The following UBE3B variants were observed in gnomAD, a reference collection of about 807,000 sequenced individuals.
UBE3B encodes ubiquitin-protein ligase E3B.
A neutral mutation model predicts 132.3 loss-of-function variants in UBE3B; 80 were observed. The observed-to-expected ratio is 0.60, with a 90% CI of 0.50 to 0.73. The LOEUF is 0.73. Ranked by LOEUF, UBE3B falls within the 30% of genes least tolerant of loss-of-function variation. The probability of loss-of-function intolerance (pLI) is 0.00; values close to 1 mark genes in which losing one functional copy is unlikely to be tolerated. For synonymous variants in UBE3B, 487 were observed against 520.4 expected, an observed-to-expected ratio of 0.94 and a Z score of 0.87; for missense variants, 1,196 against 1,362.5, an observed-to-expected ratio of 0.88 and a Z score of 1.92.
intron 11 of UBE3B, among the ~76,000 whole-genome samples, chr12:109,499,368 A>G (rs551361863): frequency 3.3e-5 from 5 of 152,300 alleles, no homozygotes; most frequent in Non-Finnish European, 5.9e-5. Flanking sequence ...CATCATTCCA[A>G]TCTTACAAAT....
intron 8 of UBE3B, chr12:109,490,477 T>A: frequency 6.5e-7 from 1 of 1,535,696 alleles, no homozygotes; most frequent in Non-Finnish European, 8.7e-7. Flanking sequence ...ACTTTGCCCT[T>A]CCTTCTCCCT....
chr12:109,532,767 C>G (rs980328265), intron 26 of UBE3B, among the ~76,000 whole-genome samples: 8 of 152,198 alleles, frequency 5.3e-5, no homozygotes. Context: ...CCCACTTGGG[C>G]TGCCGGCACC....
chr12:109,507,735 C>T lies in UBE3B; in HGVS notation c.1622C>T (p.Thr541Ile), dbSNP rs774203713. The part of the protein sequence containing the change: ...LFCDCSRHLI[T>I]ILDDIEVYEE... ...TGTGACTGTTCGCGGCACCTCATCACGTAGGTTGACTGCTGTGGGACTGAA... is the reference window on the plus strand; with the variant it reads ...TGTGACTGTTCGCGGCACCTCATCATGTAGGTTGACTGCTGTGGGACTGAA... Residue 541 changes from threonine to isoleucine, a missense_variant and splice_region_variant, in exon 15 of 28, where the codon ACA (threonine) becomes ATA (isoleucine). Thr to Ile is a moderately conservative substitution (Grantham distance 89, BLOSUM62 -1). Transcript: ENST00000342494. 13 of 1,610,704 alleles carry T rather than the reference C, an allele frequency of 8.1e-6. No individual in the cohort carries two copies. The highest frequency in any genetic ancestry group is 3.4e-5 in the Admixed American group (2 of 59,644).
chr12:109,508,679 G>A (rs191147864), intron 15 of UBE3B: 1 of 985,506 alleles, frequency 1.0e-6, no homozygotes, highest in Non-Finnish European at 1.2e-6. Flanking sequence ...AAGAGCAGGG[G>A]TCTAGCTGCT....
At chr12:109,546,257 T>C in the UBE3B span, among the ~76,000 whole-genome samples, 1 of 152,246 alleles carries the variant, frequency 6.6e-6, no homozygotes, top group East Asian at 1.9e-4. Flanking sequence ...CCCTGGTGAA[T>C]AGGCTGGGTG....
intron 18 of UBE3B, among the ~76,000 whole-genome samples, chr12:109,514,776 C>G (rs927595870): frequency 1.3e-5 from 2 of 152,034 alleles, no homozygotes; most frequent in African/African-American, 4.8e-5. Context: ...CTCTCTTCTG[C>G]ATGGCCCTGG....
At chr12:109,528,230 T>C (rs1882566411) in intron 24 of UBE3B, 6 of 653,442 alleles carry the variant, frequency 9.2e-6, no homozygotes, top group African/African-American at 2.0e-5. Flanking sequence ...TCTTGCACTT[T>C]ATGAGTGTTG....
chr12:109,494,938 T>A (rs1219879506), intron 9 of UBE3B, among the ~76,000 whole-genome samples: 3 of 152,236 alleles, frequency 2.0e-5, no homozygotes, highest in African/African-American at 4.8e-5. Flanking sequence ...TGTACCCTTA[T>A]AACAATGCAG....
intron 9 of UBE3B, among the ~76,000 whole-genome samples, chr12:109,495,263 C>T (rs182721100): frequency 3.3e-5 from 5 of 152,370 alleles, no homozygotes; most frequent in Non-Finnish European, 7.3e-5. Context: ...CTAAATACCA[C>T]TAACACCTCT....
chr12:109,535,023 A>G lies in UBE3B; in HGVS notation c.*241A>G, dbSNP rs949154739. 5.9e-5 allele frequency: 22 copies of G among 374,570 alleles called. No individual in the cohort carries two copies. The Admixed American group carries it at 6.7e-4, about 11-fold the overall frequency. The allele number at this position is 374,570 out of a possible 1,614,324, so 23.2% of individuals were successfully genotyped here. ...GAAAATAAACCTCCAGATTCCACCA[A>G]CACGGGTCCATTCTTCCTGGTGATG... On this transcript the variant is annotated 3_prime_UTR_variant, in exon 28 of 28. Coordinates refer to ENST00000342494, the MANE Select transcript of UBE3B (RefSeq NM_130466.4).
In UBE3B at chr12:109,497,911, A is replaced by G. The variant is rs148011437; in HGVS notation, c.807A>G (p.Thr269=). Residue 269 remains threonine (T), a synonymous_variant, in exon 10 of 28, where the codon ACA becomes ACG. Coordinates refer to ENST00000342494, the MANE Select transcript of UBE3B (RefSeq NM_130466.4). ...SVPALVTHLS[T]VTPERLTVLE... The stretch of plus-strand genomic sequence containing the variant: ...CTGCTCTGGTGACTCATCTCAGCAC[A>G]GTGACCCCTGAGGTAAGCAGGCTCT... 1.9e-4 allele frequency: 302 copies of G among 1,614,202 alleles called. 1 individual carries two copies. The African/African-American group carries it at 3.6e-3, about 19-fold the overall frequency.
downstream of UBE3B, among the ~76,000 whole-genome samples, chr12:109,539,614 G>A (rs1294368442): frequency 6.6e-6 from 1 of 152,242 alleles, no homozygotes; most frequent in African/African-American, 2.4e-5. Flanking sequence ...AAAAGCCCCA[G>A]TCTGTGCCAT....
intron 4 of UBE3B, 49 bp from the exon 5 acceptor site, chr12:109,485,962 CT>C (rs1365766712): frequency 1.9e-6 from 3 of 1,546,896 alleles, no homozygotes; most frequent in East Asian, 4.9e-5. Flanking sequence ...TTTGTTTTCA[CT>C]TTTTGATGGA....
At chr12:109,506,271 G>T (rs1214565356) in intron 14 of UBE3B, among the ~76,000 whole-genome samples, 1 of 152,206 alleles carries the variant, frequency 6.6e-6, no homozygotes, top group Non-Finnish European at 1.5e-5. Flanking sequence ...ACTACTGTTG[G>T]GGGGCCAAAT....
chr12:109,513,649 T>G (rs1880633924), intron 18 of UBE3B, among the ~76,000 whole-genome samples: 2 of 152,130 alleles, frequency 1.3e-5, no homozygotes, highest in African/African-American at 2.4e-5. Flanking sequence ...TGAGATAAAT[T>G]GGAATGACTT....
chr12:109,546,307 C>T, the UBE3B span, among the ~76,000 whole-genome samples: 3 of 152,190 alleles, frequency 2.0e-5, no homozygotes, highest in African/African-American at 7.2e-5. Context: ...AGCTGGATGG[C>T]TAGAAACTGC....
intron 26 of UBE3B, among the ~76,000 whole-genome samples, chr12:109,531,174 C>T (rs997621794): frequency 5.9e-5 from 9 of 152,160 alleles, no homozygotes; most frequent in Admixed American, 5.2e-4. Context: ...CCCAATAAAA[C>T]ACACACAATT....
intron 13 of UBE3B, 151 bp from the exon 14 acceptor site, chr12:109,502,872 A>T: frequency 1.1e-6 from 1 of 926,412 alleles, no homozygotes; most frequent in Non-Finnish European, 1.7e-6. Context: ...TTTCTAATTT[A>T]TCCCAAAGAA....
At chr12:109,498,148 G>A (rs1027379989) in intron 10 of UBE3B, 85 bp from the exon 11 acceptor site, 344 of 1,562,424 alleles carry the variant, frequency 2.2e-4, no homozygotes, top group Non-Finnish European at 2.9e-4. Context: ...CCATAACCAC[G>A]GGTGATCTGC....
Sources: gnomAD v4.1 joint callset for allele counts (sites outside exome capture counted in the v4.1 genomes callset) on GRCh38, gnomAD v4.1.1 for gene constraint, MANE v1.5 for transcripts, NCBI Gene and HGNC (gene_info 2026-07-23, HGNC 2026-07-21) for gene names.